The following XYLT1 variants were observed in gnomAD, a reference collection of about 807,000 sequenced individuals.
The protein encoded by XYLT1 is beta-D-xylosyltransferase 1.
XYLT1 carries 36 observed loss-of-function variants against 91.3 expected under a neutral mutation model. The observed-to-expected ratio is 0.39, with a 90% CI of 0.30 to 0.52. The LOEUF (loss-of-function observed/expected upper bound fraction) is 0.52, where lower values mean the gene tolerates loss of function less well. XYLT1 is among the 20% of genes least tolerant of loss of function. XYLT1 has a pLI of 0.68. For missense variants in XYLT1, 1,242 were observed against 1,284.5 expected, an observed-to-expected ratio of 0.97 and a Z score of 0.51; for synonymous variants, 588 against 532.0, an observed-to-expected ratio of 1.11 and a Z score of -1.45.
intron 6 of XYLT1, among the ~76,000 whole-genome samples, chr16:17,144,780 T>C (rs2031088704): frequency 6.6e-6 from 1 of 152,204 alleles, no homozygotes; most frequent in South Asian, 2.1e-4. Context: ...GCCTTTTCTA[T>C]TTTCCACAAA....
In XYLT1 at chr16:17,172,217, C is replaced by A. The variant is rs190060774; in HGVS notation, c.1290-13308G>T. On this transcript the variant is annotated intron_variant, in intron 5 of 11. Transcript: ENST00000261381. The stretch of plus-strand genomic sequence containing the variant: ...CTTCCCTCCTCTCTCCCTTTTTTTT[C>A]TCTCCCTCTTCCATTTCTCTTTCCT... Among the ~76,000 whole-genome samples, 289 of 149,404 alleles carry A rather than the reference C, an allele frequency of 1.9e-3. 1 individual carries two copies. The highest frequency in any genetic ancestry group is 2.7e-3 in the Non-Finnish European group (184 of 67,242).
chr16:17,191,065 CA>C (rs1396553589), intron 5 of XYLT1, among the ~76,000 whole-genome samples: 2 of 152,134 alleles, frequency 1.3e-5, no homozygotes, highest in East Asian at 3.8e-4. Context: ...AGGCTTTTAG[CA>C]GCCTGAAGCC....
intron 5 of XYLT1, among the ~76,000 whole-genome samples, chr16:17,172,517 G>C (rs1441853674): frequency 1.4e-5 from 2 of 146,244 alleles, no homozygotes; most frequent in Non-Finnish European, 1.5e-5. Context: ...TGTTGCCCAG[G>C]CTGGAGTGCA....
At position 17,138,857 on chromosome 16, in the gene XYLT1, G is replaced by A. The variant is rs774789831; in HGVS notation, c.1588-326C>T. On this transcript the variant is annotated intron_variant, in intron 7 of 11. Coordinates refer to ENST00000261381, the MANE Select transcript of XYLT1 (RefSeq NM_022166.4). ...CTGCCCATGTGGTCCAACTCAGAGC[G>A]CAGGCGGATGCTCTGTCCAACAGAC... is the stretch of plus-strand genomic sequence containing the variant. The A allele has an allele frequency of 1.3e-3, 277 of 217,188 alleles. 2 individuals are homozygous for A. Among genetic ancestry groups the A allele is most frequent in the Middle Eastern group, 1.8e-3 (1 of 544 alleles). 13.5% of individuals were successfully genotyped at this position (217,188 alleles called of 1,614,324 possible).
At chr16:17,413,649 G>A in intron 1 of XYLT1, among the ~76,000 whole-genome samples, 1 of 151,958 alleles carries the variant, frequency 6.6e-6, no homozygotes, top group Non-Finnish European at 1.5e-5. Context: ...TGTTGCTCAG[G>A]CCGGTCTTGA....
intron 10 of XYLT1, among the ~76,000 whole-genome samples, chr16:17,120,710 C>T (rs1015535409): frequency 3.9e-5 from 6 of 152,080 alleles, no homozygotes; most frequent in Admixed American, 6.5e-5. Flanking sequence ...AGATCTAGAC[C>T]GTCAACTCCA....
At position 17,101,836 on chromosome 16, in the gene XYLT1, A is replaced by G. The variant is rs1448604144; in HGVS notation, c.*6859T>C. 3.3e-5 allele frequency: 5 copies of G among 152,098 alleles called. No homozygotes were observed. The highest frequency in any genetic ancestry group is 1.2e-4 in the African/African-American group (5 of 41,396). 9.4% of individuals were successfully genotyped at this position (152,098 alleles called of 1,614,324 possible). ...CAAGGCAGTCTGGAAGATGCAGTCT[A>G]GCTGTTCCATTGGCCTGGTCACATG... On this transcript the variant is annotated 3_prime_UTR_variant, in exon 12 of 12. Transcript: ENST00000261381.
intron 1 of XYLT1, among the ~76,000 whole-genome samples, chr16:17,393,072 C>G (rs1475067609): frequency 6.6e-6 from 1 of 152,124 alleles, no homozygotes; most frequent in East Asian, 1.9e-4. Flanking sequence ...CCTTTAAATA[C>G]AGAGTCCTCA....
chr16:17,277,752 A>G (rs953700306), intron 2 of XYLT1, among the ~76,000 whole-genome samples: 1 of 152,188 alleles, frequency 6.6e-6, no homozygotes, highest in African/African-American at 2.4e-5. Flanking sequence ...AAGTGAGAAC[A>G]TGTGGTATGT....
At chr16:17,170,269 C>T (rs543823185) in intron 5 of XYLT1, among the ~76,000 whole-genome samples, 5 of 152,352 alleles carry the variant, frequency 3.3e-5, no homozygotes, top group Non-Finnish European at 1.5e-5. Flanking sequence ...TCAATTCTTA[C>T]ACACTTGTGG....
chr16:17,413,441 A>ATT (rs34570613), intron 1 of XYLT1, among the ~76,000 whole-genome samples: 103 of 142,654 alleles, frequency 7.2e-4, no homozygotes, highest in Middle Eastern at 3.5e-3. Flanking sequence ...TTTTGTCATC[A>ATT]TTTTTTTTTT....
Position 17,347,281 on chromosome 16 carries a change from C to T in XYLT1, c.402+10731G>A, listed in dbSNP as rs924200742. Among the ~76,000 whole-genome samples, 3 of 152,180 alleles carry T rather than the reference C, an allele frequency of 2.0e-5. No individual in the cohort carries two copies. The East Asian group carries it at 5.8e-4, about 29-fold the overall frequency. ...TCTGTCTGTCTGCTCTGGGGGCTAC[C>T]GGAAGGAGCTGAAGGCCTGTCCCCC... On this transcript the variant is annotated intron_variant, in intron 2 of 11. Transcript: ENST00000261381.
chr16:17,254,685 G>A (rs1234613608), intron 3 of XYLT1, among the ~76,000 whole-genome samples: 3 of 151,906 alleles, frequency 2.0e-5, no homozygotes, highest in African/African-American at 4.8e-5. Context: ...ATGAGCCACC[G>A]TGCCTGGCCT....
In XYLT1 at chr16:17,470,608, C is replaced by A. The variant is rs2036975679; in HGVS notation, c.189G>T (p.Pro63=). Residue 63 remains proline (P), a synonymous_variant, in exon 1 of 12, where the codon CCG becomes CCT. Transcript: ENST00000261381. ...GGEQPPPAPA[P]RRERRDLPAE... is the part of the protein sequence containing the mutation. Reference sequence around the variant, plus strand: ...CGGGCAGGTCCCGGCGCTCCCGGCGCGGGGCCGGGGCCGGGGGCGGCTGCT... The same window carrying A: ...CGGGCAGGTCCCGGCGCTCCCGGCGAGGGGCCGGGGCCGGGGGCGGCTGCT... The A allele has an allele frequency of 2.7e-6, 3 of 1,122,898 alleles. No homozygotes were observed. The highest frequency in any genetic ancestry group is 3.3e-6 in the Non-Finnish European group (3 of 920,432). 69.6% of individuals were successfully genotyped at this position (1,122,898 alleles called of 1,614,324 possible).
At chr16:17,298,392 C>T (rs906952667) in intron 2 of XYLT1, among the ~76,000 whole-genome samples, 5 of 152,152 alleles carry the variant, frequency 3.3e-5, no homozygotes, top group Non-Finnish European at 5.9e-5. Flanking sequence ...CGCCTGGTGG[C>T]GAGTGCCCTC....
In XYLT1 at chr16:17,217,491, T is replaced by C. The variant is rs116493503; in HGVS notation, c.914-16837A>G. 8.4e-3 allele frequency among the ~76,000 whole-genome samples: 1,276 copies of C among 152,360 alleles called. 20 individuals carry two copies. The highest frequency in any genetic ancestry group is 0.029 in the African/African-American group (1,200 of 41,580). On this transcript the variant is annotated intron_variant, in intron 3 of 11. Transcript: ENST00000261381. ...TAATCATGTATGTTCTGCTTTGTCA[T>C]ATGCATTCTGTTTTCAGTAATGTAC... is the stretch of plus-strand genomic sequence containing the variant.
At chr16:17,115,106 T>C (rs1392755585) in intron 11 of XYLT1, among the ~76,000 whole-genome samples, 3 of 152,102 alleles carry the variant, frequency 2.0e-5, no homozygotes, top group Non-Finnish European at 4.4e-5. Flanking sequence ...GGCCTCCCAG[T>C]GTGCTGGGAT....
chr16:17,182,387 G>A (rs746005135), intron 5 of XYLT1, among the ~76,000 whole-genome samples: 1 of 152,120 alleles, frequency 6.6e-6, no homozygotes, highest in Admixed American at 6.5e-5. Context: ...AAGAGAGAGC[G>A]AGCTCTCTGG....
intron 1 of XYLT1, among the ~76,000 whole-genome samples, chr16:17,381,992 C>T (rs976967767): frequency 1.3e-5 from 2 of 151,822 alleles, no homozygotes; most frequent in Non-Finnish European, 2.9e-5. Context: ...GATGACAATA[C>T]TGAGGCACAG....
Sources: gnomAD v4.1 joint callset for allele counts (sites outside exome capture counted in the v4.1 genomes callset) on GRCh38, gnomAD v4.1.1 for gene constraint, MANE v1.5 for transcripts, NCBI Gene and HGNC (gene_info 2026-07-23, HGNC 2026-07-21) for gene names.